HINT3: variants seen among roughly 807,000 people sequenced by gnomAD.
The protein encoded by HINT3 is adenosine 5'-monophosphoramidase HINT3.
Under a neutral mutation model 19.1 loss-of-function variants are expected in HINT3, and 16 were observed. That is an observed-to-expected ratio of 0.84 (90% CI 0.57 to 1.27). The LOEUF is 1.27. Ranked by LOEUF, HINT3 falls within the 50% of genes most tolerant of loss-of-function variation. The probability of loss-of-function intolerance (pLI) is 0.00; values close to 1 mark genes in which losing one functional copy is unlikely to be tolerated. For missense variants in HINT3, 197 were observed against 225.8 expected (o/e 0.87, Z 0.82); for synonymous variants, 75 against 84.8 (o/e 0.88, Z 0.63).
chr6:125,963,535 T>G (rs935562176), intron 1 of HINT3, among the ~76,000 whole-genome samples: 2 of 152,228 alleles, frequency 1.3e-5, no homozygotes. Context: ...GTATTTAAAT[T>G]GTTTATTAGA....
intron 2 of HINT3, 69 bp from the exon 3 acceptor site, chr6:125,972,190 G>A: frequency 1.0e-6 from 1 of 980,918 alleles, no homozygotes; most frequent in Middle Eastern, 2.1e-4. Context: ...GGACAAGAGT[G>A]AAGATCAATG....
At chr6:125,975,845 G>T (rs774605330) in intron 4 of HINT3, among the ~76,000 whole-genome samples, 2 of 152,112 alleles carry the variant, frequency 1.3e-5, no homozygotes, top group Non-Finnish European at 2.9e-5. Context: ...CAAAGTGCTG[G>T]GATTACAGGT....
intron 2 of HINT3, among the ~76,000 whole-genome samples, chr6:125,969,322 T>C (rs1432131447): frequency 6.6e-6 from 1 of 152,208 alleles, no homozygotes; most frequent in Non-Finnish European, 1.5e-5. Context: ...TGCAGGTATG[T>C]GGCTTTATTT....
intron 3 of HINT3, among the ~76,000 whole-genome samples, chr6:125,973,065 CTTTTTTTT>C (rs869084942): frequency 0.014 from 1,053 of 74,432 alleles, 10 homozygotes; most frequent in African/African-American, 0.054. Flanking sequence ...AATTTTTCAA[CTTTTTTTT>C]TTTTTTTTTT....
chr6:125,966,946 G>A lies in HINT3; in HGVS notation c.261G>A (p.Val87=). ...CAGCAGCAACTCATCATTATCTTGT[G>A]GTGCCAAAGAAGCATATTGGAAACT... ...IKPAATHHYL[V]VPKKHIGNCR... is the part of the protein sequence containing the mutation. The change falls in exon 2 of 5, where the codon GTG becomes GTA. Residue 87 remains valine (V), a synonymous_variant. Transcript: ENST00000229633. 2.5e-6 allele frequency: 4 copies of A among 1,613,054 alleles called. No homozygotes were observed. Among genetic ancestry groups the A allele is most frequent in the Non-Finnish European group, 3.4e-6 (4 of 1,179,556 alleles).
At chr6:125,965,108 C>T (rs1226519747) in intron 1 of HINT3, among the ~76,000 whole-genome samples, 1 of 152,082 alleles carries the variant, frequency 6.6e-6, no homozygotes, top group African/African-American at 2.4e-5. Flanking sequence ...TAACCAAAAC[C>T]TTTCAATATA....
chr6:125,964,289 A>G lies in HINT3; in HGVS notation c.202-2598A>G, dbSNP rs535308198. 7.2e-5 allele frequency among the ~76,000 whole-genome samples: 11 copies of G among 152,248 alleles called. No individual in the cohort carries two copies. In the East Asian group the frequency reaches 1.9e-3, roughly 27 times the overall value. On this transcript the variant is annotated intron_variant, in intron 1 of 4. Coordinates refer to ENST00000229633, the MANE Select transcript of HINT3 (RefSeq NM_138571.5). ...TAGGGATTGCTTTTTTTTCTTGTGAAGTGTGATGTATACATGTTAAATATT... is the reference window on the plus strand; with the variant it reads ...TAGGGATTGCTTTTTTTTCTTGTGAGGTGTGATGTATACATGTTAAATATT...
Position 125,967,009 on chromosome 6 carries a change from GA to G in HINT3, c.319+6del, listed in dbSNP as rs756730822. The G allele has an allele frequency of 2.7e-6, 4 of 1,485,414 alleles. No homozygotes were observed. The highest frequency in any genetic ancestry group is 3.8e-6 in the Non-Finnish European group (4 of 1,066,446). The allele number at this position is 1,485,414 out of a possible 1,614,324, so 92.0% of individuals were successfully genotyped here. A position where few individuals can be genotyped will look rare whatever the true frequency, so the allele number is the denominator to read the frequency against. ...GGAAAGATCAAGTAGAACTGGGTAAGATGATGGCAGTATTCTTCATGTTTAT... is the reference window on the plus strand; with the variant it reads ...GGAAAGATCAAGTAGAACTGGGTAAGTGATGGCAGTATTCTTCATGTTTAT... On this transcript the variant is annotated splice_donor_region_variant and intron_variant, in intron 2 of 4. Transcript: ENST00000229633.
rs568495732 is a variant in HINT3 at position 125,965,095 on chromosome 6, T to G, written c.202-1792T>G. ...AAATAAATTATTGATATATGAGAGT[T>G]AGTAACCAAAACCTTTCAATATAGA... On this transcript the variant is annotated intron_variant, in intron 1 of 4. Coordinates refer to ENST00000229633, the MANE Select transcript of HINT3 (RefSeq NM_138571.5). Among the ~76,000 whole-genome samples the G allele has an allele frequency of 2.0e-5, 3 of 152,202 alleles. No homozygotes were observed. The South Asian group carries it at 6.2e-4, about 32-fold the overall frequency.
chr6:125,958,844 A>AC (rs1788877117), intron 1 of HINT3, among the ~76,000 whole-genome samples: 2 of 152,332 alleles, frequency 1.3e-5, no homozygotes, highest in South Asian at 4.1e-4. Flanking sequence ...ATCAACACAC[A>AC]CACATAAAAC....
rs901740047 is a variant in HINT3, at chr6:125,978,326, T to C, written c.*650T>C. On this transcript the variant is annotated 3_prime_UTR_variant, in exon 5 of 5. Transcript: ENST00000229633. ...CAATGAATTTACAATAACTATCAAA[T>C]TGGCTATCAGAATTCACTGTAATGG... The C allele has an allele frequency of 6.6e-6, 1 of 152,088 alleles. No individual in the cohort carries two copies. Among genetic ancestry groups the C allele is most frequent in the Non-Finnish European group, 1.5e-5 (1 of 67,956 alleles). The allele number at this position is 152,088 out of a possible 1,614,324, so 9.4% of individuals were successfully genotyped here. A position where few individuals can be genotyped will look rare whatever the true frequency, so the allele number is the denominator to read the frequency against.
rs117564937 is a variant in HINT3, at chr6:125,979,431, G to A, written c.*1755G>A. 3,112 of 152,318 alleles carry A rather than the reference G, an allele frequency of 0.02. 63 individuals are homozygous for A. The highest frequency in any genetic ancestry group is 0.03 in the Non-Finnish European group (2,030 of 68,012). The allele number at this position is 152,318 out of a possible 1,614,324, so 9.4% of individuals were successfully genotyped here. On this transcript the variant is annotated 3_prime_UTR_variant, in exon 5 of 5. Coordinates refer to ENST00000229633, the MANE Select transcript of HINT3 (RefSeq NM_138571.5). The stretch of plus-strand genomic sequence containing the variant: ...TTGTTTTACTGTGGGAACTTGCAGT[G>A]ATATAATTGACAACATTATTTAACA...
intron 1 of HINT3, among the ~76,000 whole-genome samples, chr6:125,959,911 T>C (rs1788893139): frequency 1.3e-5 from 2 of 152,204 alleles, no homozygotes; most frequent in South Asian, 2.1e-4. Context: ...TCCTTGCCCT[T>C]GTGGAGCTCA....
At chr6:125,960,964 T>C (rs1200021846) in intron 1 of HINT3, among the ~76,000 whole-genome samples, 2 of 152,224 alleles carry the variant, frequency 1.3e-5, no homozygotes, top group Non-Finnish European at 2.9e-5. Flanking sequence ...TTTTGTATTC[T>C]GCAGTTCCAA....
At chr6:125,961,850 GA>G (rs1277864654) in intron 1 of HINT3, among the ~76,000 whole-genome samples, 2 of 152,022 alleles carry the variant, frequency 1.3e-5, no homozygotes, top group East Asian at 3.9e-4. Context: ...ACTGAGTGGG[GA>G]AACCCAGCAA....
intron 1 of HINT3, among the ~76,000 whole-genome samples, chr6:125,957,893 C>G (rs1788863300): frequency 6.6e-6 from 1 of 152,158 alleles, no homozygotes; most frequent in Admixed American, 6.5e-5. Flanking sequence ...TTGTAGTAAA[C>G]ATTCCTTTAT....
chr6:125,962,199 TATATATATATACAC>T (rs1788940564), intron 1 of HINT3, among the ~76,000 whole-genome samples: 1 of 48,732 alleles, frequency 2.1e-5, no homozygotes, highest in Non-Finnish European at 3.3e-5. Flanking sequence ...CATATATATA[TATATATATATACAC>T]ATATATATAT....
At chr6:125,963,572 AG>A (rs1486923770) in intron 1 of HINT3, among the ~76,000 whole-genome samples, 2 of 152,234 alleles carry the variant, frequency 1.3e-5, no homozygotes, top group Non-Finnish European at 2.9e-5. Flanking sequence ...AAGTCAGGAT[AG>A]GCTAGCTCTT....
At chr6:125,972,364 A>G (rs1264345375) in intron 3 of HINT3, 36 bp downstream of exon 3, 6 of 1,241,570 alleles carry the variant, frequency 4.8e-6, no homozygotes, top group Non-Finnish European at 6.7e-6. Flanking sequence ...AATATTATAC[A>G]TTATTGACGT....
Sources: gnomAD v4.1 joint callset for allele counts (sites outside exome capture counted in the v4.1 genomes callset) on GRCh38, gnomAD v4.1.1 for gene constraint, MANE v1.5 for transcripts, NCBI Gene and HGNC (gene_info 2026-07-23, HGNC 2026-07-21) for gene names.